Variants in NR6A1 observed in about 807,000 individuals in gnomAD.
NR6A1 encodes retinoic acid receptor-related testis-associated receptor.
A neutral mutation model predicts 59.1 loss-of-function variants in NR6A1; 7 were observed. That is an observed-to-expected ratio of 0.12 (90% CI 0.07 to 0.22). The LOEUF (loss-of-function observed/expected upper bound fraction) is 0.22. NR6A1 is among the 10% of genes least tolerant of loss of function. The probability of loss-of-function intolerance (pLI) is 1.00; values close to 1 mark genes in which losing one functional copy is unlikely to be tolerated. For synonymous variants in NR6A1, 243 were observed against 236.1 expected (o/e 1.03, Z -0.27); for missense variants, 468 against 611.6 (o/e 0.77, Z 2.48).
chr9:124,673,412 G>A (rs1837854252), intron 2 of NR6A1, among the ~76,000 whole-genome samples: 2 of 151,958 alleles, frequency 1.3e-5, no homozygotes, highest in Admixed American at 1.3e-4. Flanking sequence ...ACACAATACC[G>A]CCATATCTCA....
At chr9:124,622,856 A>G (rs1340286937) in intron 2 of NR6A1, among the ~76,000 whole-genome samples, 1 of 151,840 alleles carries the variant, frequency 6.6e-6, no homozygotes, top group East Asian at 1.9e-4. Flanking sequence ...AGCAGGGCAC[A>G]ATGTCTGAAC....
chr9:124,715,289 G>C (rs1252061671), intron 2 of NR6A1, among the ~76,000 whole-genome samples: 1 of 152,078 alleles, frequency 6.6e-6, no homozygotes, highest in Admixed American at 6.6e-5. Flanking sequence ...TTGGGAGGCT[G>C]AGGTGAGAGG....
chr9:124,657,731 T>C (rs998649550), intron 2 of NR6A1, among the ~76,000 whole-genome samples: 1 of 151,678 alleles, frequency 6.6e-6, no homozygotes, highest in Non-Finnish European at 1.5e-5. Context: ...GGGTCCATGC[T>C]TTCATAGCTT....
chr9:124,656,789 G>A (rs1279168572), intron 2 of NR6A1, among the ~76,000 whole-genome samples: 1 of 152,150 alleles, frequency 6.6e-6, no homozygotes, highest in African/African-American at 2.4e-5. Flanking sequence ...CCAAGACAGT[G>A]CCATTGCATC....
chr9:124,682,177 T>C (rs1838185756), intron 2 of NR6A1, among the ~76,000 whole-genome samples: 1 of 152,020 alleles, frequency 6.6e-6, no homozygotes, highest in African/African-American at 2.4e-5. Context: ...TCTTTTTGTA[T>C]TTTTAGTAGA....
intron 3 of NR6A1, among the ~76,000 whole-genome samples, chr9:124,548,666 T>C (rs1833680053): frequency 6.6e-6 from 1 of 152,218 alleles, no homozygotes; most frequent in Non-Finnish European, 1.5e-5. Context: ...CTTTTTACCC[T>C]GGTAAAGTGA....
intron 2 of NR6A1, among the ~76,000 whole-genome samples, chr9:124,702,402 A>C (rs1273566293): frequency 6.6e-6 from 1 of 152,184 alleles, no homozygotes; most frequent in African/African-American, 2.4e-5. Flanking sequence ...CTTGGTCAAA[A>C]ATCAAAGGAC....
chr9:124,718,167 G>GT (rs986139516), intron 2 of NR6A1, among the ~76,000 whole-genome samples: 21 of 152,114 alleles, frequency 1.4e-4, no homozygotes, highest in African/African-American at 4.3e-4. Context: ...TTTCACTCAT[G>GT]TTTTTTCCAC....
At chr9:124,566,216 T>G (rs867973507) in intron 2 of NR6A1, among the ~76,000 whole-genome samples, 4 of 152,220 alleles carry the variant, frequency 2.6e-5, no homozygotes, top group Middle Eastern at 3.2e-3. Flanking sequence ...TCCATTTGTA[T>G]TAAGCTTAAA....
At chr9:124,734,344 C>G (rs1316435307) in intron 1 of NR6A1, among the ~76,000 whole-genome samples, 1 of 152,230 alleles carries the variant, frequency 6.6e-6, no homozygotes, top group Non-Finnish European at 1.5e-5. Context: ...ACAAGCCTAG[C>G]ACGGAGTAGC....
At chr9:124,535,190 T>C (rs1833218760) in intron 7 of NR6A1, among the ~76,000 whole-genome samples, 1 of 152,180 alleles carries the variant, frequency 6.6e-6, no homozygotes, top group Non-Finnish European at 1.5e-5. Flanking sequence ...GGTCTCTTTC[T>C]TGGATTGTAA....
At position 124,743,574 on chromosome 9, in the gene NR6A1, ACATCACCTTT is replaced by A. The variant is rs756127020; in HGVS notation, c.101-10235_101-10226del. ...TTAATAACTTCCATCTGATCAACCTACATCACCTTTCATATAGTTTTTCCGGCTTCTAGCT... is the reference window on the plus strand; with the variant it reads ...TTAATAACTTCCATCTGATCAACCTACATATAGTTTTTCCGGCTTCTAGCT... On this transcript the variant is annotated intron_variant, in intron 1 of 9. Transcript: ENST00000487099. Among the ~76,000 whole-genome samples the A allele has an allele frequency of 1.6e-3, 248 of 152,354 alleles. 1 individual carries two copies. The highest frequency in any genetic ancestry group is 9.6e-4 in the Non-Finnish European group (65 of 68,032).
chr9:124,677,365 C>T (rs1837996987), intron 2 of NR6A1, among the ~76,000 whole-genome samples: 2 of 152,032 alleles, frequency 1.3e-5, no homozygotes, highest in South Asian at 4.1e-4. Context: ...TTCAAGTGAT[C>T]CTCCTGCCTC....
intron 2 of NR6A1, among the ~76,000 whole-genome samples, chr9:124,616,438 A>C (rs562647250): frequency 3.9e-4 from 59 of 151,390 alleles, no homozygotes; most frequent in African/African-American, 1.4e-3. Context: ...AACTAGAACT[A>C]ATCACAATCC....
chr9:124,711,775 A>G (rs1588817420), intron 2 of NR6A1, among the ~76,000 whole-genome samples: 1 of 152,208 alleles, frequency 6.6e-6, no homozygotes, highest in East Asian at 1.9e-4. Flanking sequence ...GAGAAGTGAG[A>G]CAGGGAAATG....
At chr9:124,770,447 C>T (rs556317018) in intron 1 of NR6A1, 1 of 151,954 alleles carries the variant, frequency 6.6e-6, no homozygotes, top group African/African-American at 2.4e-5. Context: ...AAGAGGAAAA[C>T]GCTCTAGAAA....
chr9:124,566,228 CAG>C (rs1012812262), intron 2 of NR6A1, among the ~76,000 whole-genome samples: 3 of 152,144 alleles, frequency 2.0e-5, no homozygotes, highest in African/African-American at 4.8e-5. Context: ...AAGCTTAAAA[CAG>C]GCAAAGAAGG....
In NR6A1 at chr9:124,677,168, G is replaced by C. The variant is rs374967964; in HGVS notation, c.142+56140C>G. The stretch of plus-strand genomic sequence containing the variant: ...ATAATTTGACATGTTTAGAGTGATA[G>C]GATTATGTTTCCTATCATGAAATAT... On this transcript the variant is annotated intron_variant, in intron 2 of 9. Transcript: ENST00000487099. 1.2e-3 allele frequency among the ~76,000 whole-genome samples: 190 copies of C among 152,222 alleles called. 2 individuals carry two copies. The highest frequency in any genetic ancestry group is 4.1e-3 in the African/African-American group (170 of 41,556).
At chr9:124,567,669 A>AC (rs1015455713) in intron 2 of NR6A1, among the ~76,000 whole-genome samples, 1 of 152,126 alleles carries the variant, frequency 6.6e-6, no homozygotes, top group Admixed American at 6.6e-5. Flanking sequence ...ACTATTGAGA[A>AC]CCACTTTGGT....
Sources: gnomAD v4.1 joint callset for allele counts (sites outside exome capture counted in the v4.1 genomes callset) on GRCh38, gnomAD v4.1.1 for gene constraint, MANE v1.5 for transcripts, NCBI Gene and HGNC (gene_info 2026-07-23, HGNC 2026-07-21) for gene names.